The following FER variants were observed in gnomAD, a reference collection of about 807,000 sequenced individuals.
The protein encoded by FER is FER tyrosine kinase.
A neutral mutation model predicts 111.0 loss-of-function variants in FER; 63 were observed. The observed-to-expected ratio is 0.57, with a 90% CI of 0.46 to 0.70. The LOEUF is 0.70. Ranked by LOEUF, FER falls within the 30% of genes least tolerant of loss-of-function variation. FER has a pLI of 0.00. For missense variants in FER, 914 were observed against 954.0 expected (o/e 0.96, Z 0.55); for synonymous variants, 327 against 313.9 (o/e 1.04, Z -0.44).
intron 16 of FER, among the ~76,000 whole-genome samples, chr5:109,074,273 T>C (rs1201204195): frequency 6.6e-6 from 1 of 152,172 alleles, no homozygotes; most frequent in Admixed American, 6.5e-5. Flanking sequence ...TCCACACTTT[T>C]CAGTTGCTAC....
chr5:108,917,979 A>C (rs1752484268), intron 10 of FER, among the ~76,000 whole-genome samples: 1 of 152,222 alleles, frequency 6.6e-6, no homozygotes, highest in Admixed American at 6.5e-5. Context: ...TATTTGAGGT[A>C]GCTAATGACA....
chr5:108,993,254 G>T (rs1313401737), intron 13 of FER, among the ~76,000 whole-genome samples: 2 of 152,256 alleles, frequency 1.3e-5, no homozygotes, highest in Non-Finnish European at 2.9e-5. Context: ...GCACCATTGA[G>T]CACTGAGTGA....
chr5:108,787,724 G>A (rs1294939416), intron 2 of FER, among the ~76,000 whole-genome samples: 2 of 152,182 alleles, frequency 1.3e-5, no homozygotes, highest in Admixed American at 6.5e-5. Context: ...TCCGCTGAGA[G>A]CTGGATGCTT....
chr5:109,027,668 A>G (rs1005443110), intron 13 of FER, among the ~76,000 whole-genome samples: 5 of 152,206 alleles, frequency 3.3e-5, no homozygotes, highest in Non-Finnish European at 5.9e-5. Flanking sequence ...GTTGATTGAC[A>G]TAATAAATAA....
chr5:108,932,051 C>A (rs1754758943), intron 10 of FER, among the ~76,000 whole-genome samples: 1 of 151,186 alleles, frequency 6.6e-6, no homozygotes, highest in Non-Finnish European at 1.5e-5. Context: ...ACTTTAAGTT[C>A]TGGGATACAT....
At chr5:109,034,848 G>T (rs993166471) in intron 13 of FER, among the ~76,000 whole-genome samples, 1 of 151,994 alleles carries the variant, frequency 6.6e-6, no homozygotes, top group South Asian at 2.1e-4. Flanking sequence ...ACTCTTAGAA[G>T]AATAACATTT....
intron 13 of FER, among the ~76,000 whole-genome samples, chr5:109,000,321 C>T (rs542710034): frequency 1.3e-5 from 2 of 151,504 alleles, no homozygotes; most frequent in Non-Finnish European, 2.9e-5. Flanking sequence ...ATATAGAGTA[C>T]ATTTGTTCTA....
intron 16 of FER, among the ~76,000 whole-genome samples, chr5:109,070,007 T>C (rs954780727): frequency 2.0e-5 from 3 of 152,106 alleles, no homozygotes; most frequent in Non-Finnish European, 2.9e-5. Context: ...CTTTTTACAG[T>C]AGCAATCTTA....
chr5:108,769,846 G>A (rs148847352), intron 2 of FER, among the ~76,000 whole-genome samples: 1 of 152,290 alleles, frequency 6.6e-6, no homozygotes, highest in East Asian at 1.9e-4. Flanking sequence ...TAGCTATAGT[G>A]CTAGAAATAA....
intron 3 of FER, chr5:108,820,369 G>T: frequency 1.0e-6 from 1 of 985,368 alleles, no homozygotes; most frequent in East Asian, 1.1e-4. Flanking sequence ...GCTGAGGTTA[G>T]GCGATTTACT....
intron 3 of FER, among the ~76,000 whole-genome samples, chr5:108,805,371 G>GT (rs1251644418): frequency 6.6e-6 from 1 of 152,138 alleles, no homozygotes; most frequent in Non-Finnish European, 1.5e-5. Context: ...CCAGTCTCAG[G>GT]TATCAGCAGC....
chr5:108,757,285 A>G (rs1332887926), intron 1 of FER, among the ~76,000 whole-genome samples: 1 of 152,192 alleles, frequency 6.6e-6, no homozygotes, highest in Non-Finnish European at 1.5e-5. Flanking sequence ...GCTCCTGGCT[A>G]ACAGTCTTGT....
At chr5:109,123,828 A>G (rs1447739374) in intron 17 of FER, among the ~76,000 whole-genome samples, 1 of 152,188 alleles carries the variant, frequency 6.6e-6, no homozygotes, top group Non-Finnish European at 1.5e-5. Flanking sequence ...TGTCTGGAGA[A>G]CATTTTAACC....
chr5:108,995,770 G>A (rs1052841005), intron 13 of FER, among the ~76,000 whole-genome samples: 2 of 152,124 alleles, frequency 1.3e-5, no homozygotes, highest in African/African-American at 4.8e-5. Context: ...ATAATCCTTT[G>A]GGTAGATAGC....
In FER at chr5:108,924,429, A is replaced by G. The variant is rs890865036; in HGVS notation, c.1237-21701A>G. 1.0e-3 allele frequency among the ~76,000 whole-genome samples: 152 copies of G among 151,932 alleles called. 1 individual carries two copies. The highest frequency in any genetic ancestry group is 1.1e-3 in the Non-Finnish European group (76 of 67,956). On this transcript the variant is annotated intron_variant, in intron 10 of 19. Coordinates refer to ENST00000281092, the MANE Select transcript of FER (RefSeq NM_005246.4). ...TTCTTAGATAGTGTTTCTTTACTTAATGTACAAGGATTTTCCGTTTGTTGC... is the reference window on the plus strand; with the variant it reads ...TTCTTAGATAGTGTTTCTTTACTTAGTGTACAAGGATTTTCCGTTTGTTGC...
intron 5 of FER, among the ~76,000 whole-genome samples, chr5:108,860,273 G>C (rs759864735): frequency 6.6e-6 from 1 of 151,930 alleles, no homozygotes; most frequent in Non-Finnish European, 1.5e-5. Flanking sequence ...CTTTATAGGA[G>C]CATATAAACA....
At chr5:108,958,293 C>G (rs1758697591) in intron 12 of FER, among the ~76,000 whole-genome samples, 1 of 151,604 alleles carries the variant, frequency 6.6e-6, no homozygotes, top group African/African-American at 2.4e-5. Flanking sequence ...TTCGAAAGTT[C>G]TTATTTCTTC....
intron 10 of FER, among the ~76,000 whole-genome samples, chr5:108,915,196 G>A (rs1327640169): frequency 1.3e-5 from 2 of 152,106 alleles, no homozygotes; most frequent in African/African-American, 4.8e-5. Context: ...CTTTTGGCCC[G>A]GCCCAGTGGC....
chr5:108,798,271 A>G lies in FER; in HGVS notation c.89A>G (p.Lys30Arg). The change falls in exon 3 of 20, where the codon AAA (lysine) becomes AGA (arginine). Residue 30 changes from lysine to arginine, a missense_variant. Physicochemically the swap from Lys to Arg is conservative, Grantham distance 26. Coordinates refer to ENST00000281092, the MANE Select transcript of FER (RefSeq NM_005246.4). The stretch of plus-strand genomic sequence containing the variant: ...TTACGGTTACTGGAAACAGTAAAGA[A>G]ATTTATGGCCCTGAGAATAAAAAGT... Reference protein sequence around the residue: ...WELRLLETVKKFMALRIKSDK... With the variant: ...WELRLLETVKRFMALRIKSDK... 6.2e-7 allele frequency: 1 copy of G among 1,614,060 alleles called. No homozygotes were observed. The highest frequency in any genetic ancestry group is 8.5e-7 in the Non-Finnish European group (1 of 1,179,948).
Sources: allele counts gnomAD v4.1 joint callset (sites outside exome capture counted in the v4.1 genomes callset), GRCh38; gene constraint gnomAD v4.1.1; transcripts MANE v1.5; gene names NCBI Gene and HGNC (gene_info 2026-07-23, HGNC 2026-07-21).